TSHZ1: variants seen among roughly 807,000 people sequenced by gnomAD.
TSHZ1 encodes teashirt zinc finger homeobox 1, also known as teashirt homolog 1.
In TSHZ1, 12 loss-of-function variants were observed where a neutral mutation model predicts 67.1. The ratio of observed to expected loss-of-function variants is 0.18; its 90% confidence interval spans 0.11 to 0.29. The LOEUF is 0.29. Ranked by LOEUF, TSHZ1 falls within the 10% of genes least tolerant of loss-of-function variation. The probability of loss-of-function intolerance (pLI) is 1.00; values close to 1 mark genes in which losing one functional copy is unlikely to be tolerated. For synonymous variants in TSHZ1, 632 were observed against 622.4 expected, an observed-to-expected ratio of 1.02 and a Z score of -0.23; for missense variants, 1,305 against 1,413.9, an observed-to-expected ratio of 0.92 and a Z score of 1.23.
At chr18:75,218,871 A>G (rs1034131104) in intron 1 of TSHZ1, among the ~76,000 whole-genome samples, 1 of 152,222 alleles carries the variant, frequency 6.6e-6, no homozygotes. Flanking sequence ...TAGTCAGTCA[A>G]TACTCTTTGC....
At chr18:75,223,738 G>GC (rs1366949081) in intron 1 of TSHZ1, among the ~76,000 whole-genome samples, 6 of 151,954 alleles carry the variant, frequency 3.9e-5, no homozygotes, top group South Asian at 2.1e-4. Context: ...TGCAGCCCTG[G>GC]CCCTGCATGT....
chr18:75,271,435 A>G (rs1388889425), intron 1 of TSHZ1, among the ~76,000 whole-genome samples: 10 of 152,118 alleles, frequency 6.6e-5, no homozygotes, highest in Middle Eastern at 3.2e-3. Flanking sequence ...CAAGGATGCA[A>G]ATGAAGAGTG....
intron 1 of TSHZ1, among the ~76,000 whole-genome samples, chr18:75,278,070 A>G (rs2023636678): frequency 6.6e-6 from 1 of 151,954 alleles, no homozygotes; most frequent in African/African-American, 2.4e-5. Flanking sequence ...CTGTTCTACT[A>G]AAGAAACCAC....
At chr18:75,284,917 G>C (rs897491369) in intron 1 of TSHZ1, 1 of 152,358 alleles carries the variant, frequency 6.6e-6, no homozygotes, top group African/African-American at 2.4e-5. Flanking sequence ...GGAGATTGGC[G>C]GTGCCATGTT....
chr18:75,246,372 T>A (rs1276487141), intron 1 of TSHZ1, among the ~76,000 whole-genome samples: 3 of 145,746 alleles, frequency 2.1e-5, no homozygotes, highest in Admixed American at 6.9e-5. Context: ...TGGTTCTCTG[T>A]TCAACCTCTG....
chr18:75,244,225 G>A (rs1001103448), intron 1 of TSHZ1, among the ~76,000 whole-genome samples: 16 of 152,080 alleles, frequency 1.1e-4, no homozygotes, highest in African/African-American at 3.9e-4. Context: ...CTTTGCTGTC[G>A]GTGGCCCTTC....
chr18:75,256,741 A>C (rs1372151117), intron 1 of TSHZ1, among the ~76,000 whole-genome samples: 1 of 152,178 alleles, frequency 6.6e-6, no homozygotes, highest in Non-Finnish European at 1.5e-5. Flanking sequence ...AGTAATTTTC[A>C]TGAGTATATG....
At chr18:75,226,399 T>C (rs1277769320) in intron 1 of TSHZ1, among the ~76,000 whole-genome samples, 1 of 152,148 alleles carries the variant, frequency 6.6e-6, no homozygotes, top group East Asian at 1.9e-4. Flanking sequence ...GGCACTGTCT[T>C]ATCTGTTTGT....
chr18:75,268,287 A>G (rs1599049654), intron 1 of TSHZ1, among the ~76,000 whole-genome samples: 1 of 152,218 alleles, frequency 6.6e-6, no homozygotes, highest in South Asian at 2.1e-4. Flanking sequence ...TTTCATTGAC[A>G]TGCCGTGCAT....
intron 1 of TSHZ1, among the ~76,000 whole-genome samples, chr18:75,219,084 T>C (rs1359320043): frequency 6.6e-6 from 1 of 152,040 alleles, no homozygotes; most frequent in African/African-American, 2.4e-5. Context: ...GGTGAAGGGA[T>C]TGAAACAGTT....
In TSHZ1 at chr18:75,280,920, C is replaced by T. The variant is rs969836768; in HGVS notation, c.41-4528C>T. 1.7e-5 allele frequency: 11 copies of T among 645,658 alleles called. No individual in the cohort carries two copies. In the Admixed American group the frequency reaches 2.5e-4, roughly 15 times the overall value. The allele number at this position is 645,658 out of a possible 1,614,324, so 40.0% of individuals were successfully genotyped here. A position where few individuals can be genotyped will look rare whatever the true frequency, so the allele number is the denominator to read the frequency against. On this transcript the variant is annotated intron_variant, in intron 1 of 1. Transcript: ENST00000580243. Reference sequence around the variant, plus strand: ...CTCCCTGGAGGGATGAGGGAGGGCCCAGTAGCTCACACCAGGCAGAGAGTC... The same window carrying T: ...CTCCCTGGAGGGATGAGGGAGGGCCTAGTAGCTCACACCAGGCAGAGAGTC...
chr18:75,220,287 T>G (rs1042492036), intron 1 of TSHZ1, among the ~76,000 whole-genome samples: 3 of 152,206 alleles, frequency 2.0e-5, no homozygotes, highest in African/African-American at 7.2e-5. Flanking sequence ...GTGAATTGCA[T>G]AGAGATAAGC....
chr18:75,240,466 A>G (rs1009005237), intron 1 of TSHZ1, among the ~76,000 whole-genome samples: 1 of 152,114 alleles, frequency 6.6e-6, no homozygotes, highest in Non-Finnish European at 1.5e-5. Flanking sequence ...TGAGTACCCA[A>G]AGAGGGTTGG....
chr18:75,214,950 G>A (rs1408458112), intron 1 of TSHZ1, among the ~76,000 whole-genome samples: 1 of 152,110 alleles, frequency 6.6e-6, no homozygotes, highest in Non-Finnish European at 1.5e-5. Flanking sequence ...CCCATAGCCT[G>A]TAGTGCAGTA....
In TSHZ1 at chr18:75,286,660, G is replaced by T; in HGVS notation, c.1253G>T (p.Cys418Phe). ...GCCCGCAAGGCGCAGATCCTCAAGT[G>T]CATGGAGTGTGGCAGCTCCCACGAC... ...FEARKAQILK[C>F]MECGSSHDTL... The change falls in exon 2 of 2, where the codon TGC (cysteine) becomes TTC (phenylalanine). Residue 418 changes from cysteine (C) to phenylalanine (F), a missense_variant. Physicochemically the swap from Cys to Phe is radical, Grantham distance 205. This residue lies in a region of TSHZ1 where 909 missense variants were observed against 961.8 expected (regional missense o/e 0.95). Transcript: ENST00000580243. This position sits in a 1 kb window ranked among gnomAD's most constrained non-coding sequence, Gnocchi z 5.1. The T allele has an allele frequency of 6.2e-7, 1 of 1,614,224 alleles. No individual in the cohort carries two copies. Among genetic ancestry groups the T allele is most frequent in the Non-Finnish European group, 8.5e-7 (1 of 1,180,036 alleles).
At chr18:75,260,090 G>C (rs1273655398) in intron 1 of TSHZ1, among the ~76,000 whole-genome samples, 1 of 152,118 alleles carries the variant, frequency 6.6e-6, no homozygotes, top group Non-Finnish European at 1.5e-5. Flanking sequence ...CTAACCTTGT[G>C]AATTAGTAAA....
chr18:75,236,389 A>G (rs1464039552), intron 1 of TSHZ1, among the ~76,000 whole-genome samples: 1 of 152,192 alleles, frequency 6.6e-6, no homozygotes, highest in Non-Finnish European at 1.5e-5. Context: ...GCTGGACAAG[A>G]AGATGGACAG....
chr18:75,214,715 T>TA (rs932427875), intron 1 of TSHZ1, among the ~76,000 whole-genome samples: 11 of 151,968 alleles, frequency 7.2e-5, no homozygotes, highest in South Asian at 4.2e-4. Flanking sequence ...CCTCCTTATG[T>TA]AAAAAAAATA....
chr18:75,211,909 C>T lies in TSHZ1; in HGVS notation c.33C>T (p.Arg11=), dbSNP rs905753811. MPRRKQQAPR[R]SAAYVPEEEL... ...GGAGGAAGCAGCAGGCCCCCCGGCG[C>T]TCGGCAGGTAACGGGCGCGCGGCCC... Residue 11 remains arginine, a synonymous_variant, in exon 1 of 2, where the codon CGC becomes CGT. Transcript: ENST00000580243. The T allele has an allele frequency of 1.2e-5, 14 of 1,203,688 alleles. No homozygotes were observed. Among genetic ancestry groups the T allele is most frequent in the Non-Finnish European group, 1.0e-5 (10 of 970,082 alleles). 74.6% of individuals were successfully genotyped at this position (1,203,688 alleles called of 1,614,324 possible). A position where few individuals can be genotyped will look rare whatever the true frequency, so the allele number is the denominator to read the frequency against.
Sources: gnomAD v4.1 joint callset for allele counts (sites outside exome capture counted in the v4.1 genomes callset) on GRCh38, gnomAD v4.1.1 for gene constraint, gnomAD v4.1.1 regional missense constraint, Gnocchi (gnomAD v3.1) non-coding constraint, MANE v1.5 for transcripts, NCBI Gene and HGNC (gene_info 2026-07-23, HGNC 2026-07-21) for gene names.